The following ASPM variants were observed in gnomAD, a reference collection of about 807,000 sequenced individuals.
The protein encoded by ASPM is assembly factor for spindle microtubules.
Under a neutral mutation model 366.4 loss-of-function variants are expected in ASPM, and 256 were observed. The ratio of observed to expected loss-of-function variants is 0.70; its 90% CI spans 0.63 to 0.77. The LOEUF is 0.77. ASPM is among the 30% of genes least tolerant of loss of function. ASPM has a pLI of 0.00. For synonymous variants in ASPM, 1,414 were observed against 1,342.9 expected, an observed-to-expected ratio of 1.05 and a Z score of -1.16; for missense variants, 4,146 against 4,090.4, an observed-to-expected ratio of 1.01 and a Z score of -0.37.
rs756100045 is a variant in ASPM, at chr1:197,100,968, T to C, written c.8283A>G (p.Val2761=). The C allele has an allele frequency of 6.2e-7, 1 of 1,612,634 alleles. No homozygotes were observed. The highest frequency in any genetic ancestry group is 2.2e-5 in the East Asian group (1 of 44,814). ...GMKVRQKLKN[V]SEEKMAAIVN... is the part of the protein sequence containing the mutation. ...CAATGGCTGCCATCTTTTCCTCTGA[T>C]ACATTTTTCAATTTTTGTCTAACTT... is the stretch of plus-strand genomic sequence containing the variant. Residue 2761 remains valine (V), a synonymous_variant, in exon 18 of 28, where the codon GTA becomes GTG. Transcript: ENST00000367409.
At chr1:197,087,685 A>T (rs1656640038) in intron 26 of ASPM, among the ~76,000 whole-genome samples, 1 of 152,182 alleles carries the variant, frequency 6.6e-6, no homozygotes, top group African/African-American at 2.4e-5. Context: ...ATCACTACAT[A>T]TCAACACTTG....
chr1:197,126,585 G>A (rs116267637), intron 10 of ASPM, among the ~76,000 whole-genome samples: 2,051 of 152,038 alleles, frequency 0.013, 48 homozygotes, highest in African/African-American at 0.046. Flanking sequence ...TGATGTGGTA[G>A]CTTGAATTTA....
intron 3 of ASPM, among the ~76,000 whole-genome samples, chr1:197,141,662 C>G (rs1447279732): frequency 1.3e-5 from 2 of 152,142 alleles, no homozygotes; most frequent in Non-Finnish European, 2.9e-5. Context: ...TACACACAAA[C>G]CCTCTGCTTC....
chr1:197,104,082 T>A lies in ASPM; in HGVS notation c.5169A>T (p.Glu1723Asp). The A allele has an allele frequency of 6.2e-7, 1 of 1,613,026 alleles. No individual in the cohort carries two copies. The highest frequency in any genetic ancestry group is 1.1e-5 in the South Asian group (1 of 91,052). The change falls in exon 18 of 28, where the codon GAA becomes GAT. Residue 1723 changes from glutamate to aspartate, a missense_variant. Physicochemically the swap from Glu to Asp is conservative, Grantham distance 45. Coordinates refer to ENST00000367409, the MANE Select transcript of ASPM (RefSeq NM_018136.5). ...AAGATTCCCGCATCTGCATATACTCTTCTCTCTTTTGTGCAGCTATTTTTT... is the reference window on the plus strand; with the variant it reads ...AAGATTCCCGCATCTGCATATACTCATCTCTCTTTTGTGCAGCTATTTTTT... ...RSKKIAAQKR[E>D]EYMQMRESCI... is the part of the protein sequence containing the mutation.
At chr1:197,132,676 C>T (rs1249830785) in intron 6 of ASPM, among the ~76,000 whole-genome samples, 2 of 151,232 alleles carry the variant, frequency 1.3e-5, no homozygotes, top group African/African-American at 4.9e-5. Flanking sequence ...ATCTAAGTGT[C>T]CATTAGTGAA....
intron 16 of ASPM, among the ~76,000 whole-genome samples, chr1:197,119,535 A>G (rs994257733): frequency 2.0e-5 from 3 of 152,170 alleles, no homozygotes; most frequent in African/African-American, 4.8e-5. Context: ...AAAGATGGAA[A>G]GTAAATAAAT....
chr1:197,085,758 G>C (rs1656570562), intron 27 of ASPM, among the ~76,000 whole-genome samples: 1 of 151,992 alleles, frequency 6.6e-6, no homozygotes, highest in Non-Finnish European at 1.5e-5. Context: ...TAAAGAAAGA[G>C]AACTGACAAC....
chr1:197,092,520 CTT>C (rs1456637384), intron 21 of ASPM, among the ~76,000 whole-genome samples: 1 of 151,956 alleles, frequency 6.6e-6, no homozygotes, highest in Non-Finnish European at 1.5e-5. Context: ...GGGCTTCAGA[CTT>C]TCACTTGATG....
At chr1:197,125,860 A>G (rs1440772031) in intron 10 of ASPM, among the ~76,000 whole-genome samples, 3 of 152,192 alleles carry the variant, frequency 2.0e-5, no homozygotes, top group African/African-American at 7.2e-5. Context: ...AGAATTACTT[A>G]TACAACCATA....
Position 197,104,003 on chromosome 1 carries a change from A to C in ASPM, c.5248T>G (p.Leu1750Val). 4 of 1,612,480 alleles carry C rather than the reference A, an allele frequency of 2.5e-6. No individual in the cohort carries two copies. Among genetic ancestry groups the C allele is most frequent in the Non-Finnish European group, 3.4e-6 (4 of 1,179,374 alleles). Reference protein sequence around the residue: ...RGYLVRKQMRLQRKAVISLQS... With the variant: ...RGYLVRKQMRVQRKAVISLQS... ...AGTGAAATAACAGCTTTTCTTTGTAACCTCATCTGCTTTCGGACAAGGTAT... is the reference window on the plus strand; with the variant it reads ...AGTGAAATAACAGCTTTTCTTTGTACCCTCATCTGCTTTCGGACAAGGTAT... Residue 1750 changes from leucine (L) to valine (V), a missense_variant, in exon 18 of 28, where the codon TTA becomes GTA. By Grantham distance (32) the Leu-to-Val change is conservative. Transcript: ENST00000367409.
intron 17 of ASPM, among the ~76,000 whole-genome samples, chr1:197,108,226 AT>A (rs1156964067): frequency 6.6e-6 from 1 of 151,926 alleles, no homozygotes; most frequent in African/African-American, 2.4e-5. Context: ...TGAAAAAAAA[AT>A]ACCATATCAA....
intron 16 of ASPM, among the ~76,000 whole-genome samples, chr1:197,119,392 T>C (rs1657838983): frequency 6.6e-6 from 1 of 152,156 alleles, no homozygotes; most frequent in Non-Finnish European, 1.5e-5. Context: ...AGAAGTATAT[T>C]GCATTTGAGA....
At chr1:197,106,852 T>C (rs1329604859) in intron 17 of ASPM, among the ~76,000 whole-genome samples, 1 of 152,112 alleles carries the variant, frequency 6.6e-6, no homozygotes, top group African/African-American at 2.4e-5. Context: ...ATAAAAATAA[T>C]TGATCTTAGG....
chr1:197,102,485 T>C lies in ASPM; in HGVS notation c.6766A>G (p.Arg2256Gly). 1 of 1,612,764 alleles carries C rather than the reference T, an allele frequency of 6.2e-7. No individual in the cohort carries two copies. Among genetic ancestry groups the C allele is most frequent in the Non-Finnish European group, 8.5e-7 (1 of 1,179,288 alleles). ...ATATGCATCATTTTTAAATGTCTTC[T>C]AGCTTTCTTTCCCCTAAAAATAGCC... ...IQAIFRGKKA[R>G]RHLKMMHIAA... is the part of the protein sequence containing the mutation. Residue 2256 changes from arginine to glycine, a missense_variant, in exon 18 of 28, where the codon AGA (arginine) becomes GGA (glycine). Physicochemically the swap from Arg to Gly is moderately radical, Grantham distance 125 (BLOSUM62 -2). Around this residue, in one of 3 missense-constraint regions of ASPM, gnomAD observed 3,624 missense variants for 3,591.7 expected, o/e 1.01. Coordinates refer to ENST00000367409, the MANE Select transcript of ASPM (RefSeq NM_018136.5).
Position 197,143,274 on chromosome 1 carries a change from A to G in ASPM, c.978T>C (p.His326=), listed in dbSNP as rs1168139528. 11 of 1,613,090 alleles carry G rather than the reference A, an allele frequency of 6.8e-6. No homozygotes were observed. Among genetic ancestry groups the G allele is most frequent in the East Asian group, 2.2e-5 (1 of 44,864 alleles). Residue 326 remains histidine, a synonymous_variant, in exon 3 of 28, where the codon CAT becomes CAC. Coordinates refer to ENST00000367409, the MANE Select transcript of ASPM (RefSeq NM_018136.5). ...CTAATTCTAGTTCATTATTAGCTCC[A>G]TGACTATTATTTACAAAAGAATCTG... ...LSPDSFVNNS[H]GANNELELVT...
intron 6 of ASPM, 85 bp from the exon 7 acceptor site, chr1:197,132,437 G>A (rs1658286000): frequency 7.2e-6 from 8 of 1,118,288 alleles, no homozygotes; most frequent in African/African-American, 1.6e-5. Context: ...GTATATCAGT[G>A]GGAAAAAAAT....
intron 27 of ASPM, among the ~76,000 whole-genome samples, chr1:197,086,447 TA>T (rs1172832733): frequency 6.6e-6 from 1 of 152,186 alleles, no homozygotes; most frequent in East Asian, 1.9e-4. Flanking sequence ...TGGAGGTTGA[TA>T]TTTTGGCTAA....
In ASPM at chr1:197,144,136, G is replaced by A. The variant is rs1438238005; in HGVS notation, c.298-36C>T. 2.7e-6 allele frequency: 4 copies of A among 1,468,488 alleles called. No homozygotes were observed. In the South Asian group the frequency reaches 3.5e-5, roughly 13 times the overall value. The allele number at this position is 1,468,488 out of a possible 1,614,324, so 91.0% of individuals were successfully genotyped here. On this transcript the variant is annotated intron_variant, in intron 1 of 27. Transcript: ENST00000367409. ...AACAATACATTATATAATTACAATA[G>A]TAATTACATAATAACCAAAACACCT...
Position 197,101,596 on chromosome 1 carries a change from T to TC in ASPM, c.7654dup (p.Glu2552GlyfsTer17), listed in dbSNP as rs1429731931. 1 of 1,610,398 alleles carries TC rather than the reference T, an allele frequency of 6.2e-7. No homozygotes were observed. Reference sequence around the variant, plus strand: ...TATTACGATAGAAGCTTTGTGTTTTTCCCTTAAAAGTTGTCTTGCTTTCAT... The same window carrying TC: ...TATTACGATAGAAGCTTTGTGTTTTTCCCCTTAAAAGTTGTCTTGCTTTCAT... On this transcript the variant is annotated frameshift_variant, in exon 18 of 28. Transcript: ENST00000367409. LOFTEE classifies it high-confidence loss of function.
Sources: allele counts gnomAD v4.1 joint callset (sites outside exome capture counted in the v4.1 genomes callset), GRCh38; gene constraint gnomAD v4.1.1; regional missense constraint gnomAD v4.1.1; transcripts MANE v1.5; gene names NCBI Gene and HGNC (gene_info 2026-07-23, HGNC 2026-07-21).